The following EPRS1 variants were observed in gnomAD, a reference collection of about 807,000 sequenced individuals.
The protein encoded by EPRS1 is glutamyl-prolyl-tRNA synthetase 1.
EPRS1 carries 107 observed loss-of-function variants against 188.3 expected under a neutral mutation model. The ratio of observed to expected loss-of-function variants is 0.57; its 90% confidence interval spans 0.49 to 0.67. The LOEUF (loss-of-function observed/expected upper bound fraction) is 0.67, where lower values mean the gene tolerates loss of function less well. Ranked by LOEUF, EPRS1 falls within the 30% of genes least tolerant of loss-of-function variation. The pLI, the probability that EPRS1 is intolerant of heterozygous loss-of-function variation, is 0.00. For missense variants in EPRS1, 1,577 were observed against 1,802.2 expected, an observed-to-expected ratio of 0.88 and a Z score of 2.26; for synonymous variants, 596 against 593.1, an observed-to-expected ratio of 1.00 and a Z score of -0.07.
At chr1:220,021,036 C>T (rs1387011466) in intron 9 of EPRS1, among the ~76,000 whole-genome samples, 1 of 151,532 alleles carries the variant, frequency 6.6e-6, no homozygotes, top group African/African-American at 2.4e-5. Context: ...CGCCACCATG[C>T]CCCGCTAATT....
chr1:220,041,152 G>A (rs1255567581), intron 1 of EPRS1, among the ~76,000 whole-genome samples: 1 of 151,506 alleles, frequency 6.6e-6, no homozygotes, highest in Non-Finnish European at 1.5e-5. Context: ...GCAACATAGT[G>A]AGACCCCGTC....
intron 2 of EPRS1, among the ~76,000 whole-genome samples, chr1:220,035,378 C>T (rs1308067413): frequency 6.6e-6 from 1 of 152,132 alleles, no homozygotes; most frequent in Non-Finnish European, 1.5e-5. Flanking sequence ...TCTCGAGTTC[C>T]TGACCTCAGG....
At chr1:219,973,433 G>C in intron 28 of EPRS1, 35 bp from the exon 29 acceptor site, 1 of 1,486,676 alleles carries the variant, frequency 6.7e-7, no homozygotes, top group Non-Finnish European at 9.2e-7. Flanking sequence ...AATGATATAT[G>C]AATGTCTCCA....
intron 30 of EPRS1, 97 bp downstream of exon 30, chr1:219,971,972 C>T (rs1660676898): frequency 6.9e-6 from 4 of 575,674 alleles, no homozygotes; most frequent in Non-Finnish European, 1.2e-5. Flanking sequence ...ATGTGATTGG[C>T]TTAAAAAGGT....
chr1:219,984,083 G>A, intron 21 of EPRS1, 123 bp downstream of exon 21: 2 of 696,292 alleles, frequency 2.9e-6, no homozygotes, highest in Non-Finnish European at 2.6e-6. Flanking sequence ...ACTACACTGT[G>A]TATTATTAAA....
At chr1:220,041,918 G>A (rs1662302077) in intron 1 of EPRS1, among the ~76,000 whole-genome samples, 1 of 152,188 alleles carries the variant, frequency 6.6e-6, no homozygotes, top group Admixed American at 6.5e-5. Context: ...CTGTGGCAAG[G>A]AAGGTGCAAA....
At chr1:220,041,540 A>C (rs1036928343) in intron 1 of EPRS1, among the ~76,000 whole-genome samples, 1 of 151,820 alleles carries the variant, frequency 6.6e-6, no homozygotes, top group Non-Finnish European at 1.5e-5. Context: ...TCTGTCCCTT[A>C]ATTTGATTAA....
At chr1:219,986,048 A>G (rs1661000251) in intron 20 of EPRS1, among the ~76,000 whole-genome samples, 1 of 152,228 alleles carries the variant, frequency 6.6e-6, no homozygotes, top group South Asian at 2.1e-4. Context: ...TTAATAGTCA[A>G]AAGGAAAAAT....
rs538037438 is a variant in EPRS1, at chr1:219,970,051, G to A, written c.4324-929C>T. Among the ~76,000 whole-genome samples the A allele has an allele frequency of 2.0e-5, 3 of 152,178 alleles. No homozygotes were observed. In the South Asian group the frequency reaches 6.2e-4, roughly 32 times the overall value. ...TGGCCAGGCTGGTCTCAAACTCCTG[G>A]CCTCAAGCAGTCCACCCACCTCGGC... On this transcript the variant is annotated intron_variant, in intron 30 of 31. Transcript: ENST00000366923.
intron 29 of EPRS1, 30 bp downstream of exon 29, chr1:219,973,204 GGAGA>G: frequency 1.3e-6 from 2 of 1,588,434 alleles, no homozygotes; most frequent in Non-Finnish European, 1.7e-6. Context: ...TGGAAGATCT[GGAGA>G]GAGAGACATA....
At chr1:219,999,309 T>C (rs1282270924) in intron 17 of EPRS1, among the ~76,000 whole-genome samples, 1 of 152,132 alleles carries the variant, frequency 6.6e-6, no homozygotes, top group Non-Finnish European at 1.5e-5. Flanking sequence ...TACCTGAATA[T>C]TGAATTTCTA....
chr1:219,989,463 T>A (rs1448260665), intron 18 of EPRS1, among the ~76,000 whole-genome samples: 1 of 151,438 alleles, frequency 6.6e-6, no homozygotes, highest in Admixed American at 6.6e-5. Flanking sequence ...CTGGACACCT[T>A]ACCTGAAATG....
At chr1:220,031,941 C>A (rs2102595983) in intron 5 of EPRS1, among the ~76,000 whole-genome samples, 1 of 152,202 alleles carries the variant, frequency 6.6e-6, no homozygotes, top group South Asian at 2.1e-4. Flanking sequence ...TATAGATGAA[C>A]AATTAAATGT....
Position 219,988,838 on chromosome 1 carries a change from A to C in EPRS1, c.2542-15T>G, listed in dbSNP as rs763343192. 6.6e-7 allele frequency: 1 copy of C among 1,506,292 alleles called. No homozygotes were observed. Among genetic ancestry groups the C allele is most frequent in the Non-Finnish European group, 9.0e-7 (1 of 1,107,714 alleles). The allele number at this position is 1,506,292 out of a possible 1,614,324, so 93.3% of individuals were successfully genotyped here. A position where few individuals can be genotyped will look rare whatever the true frequency, so the allele number is the denominator to read the frequency against. ...TTTATTTTAGCCTAAAATAAAAGAG[A>C]GAAAGAGATATTTATAAAACTTTGG... On this transcript the variant is annotated splice_polypyrimidine_tract_variant and intron_variant, in intron 18 of 31. Transcript: ENST00000366923.
chr1:220,034,761 C>T (rs1662146013), intron 3 of EPRS1, among the ~76,000 whole-genome samples, 153 bp downstream of exon 3: 1 of 152,070 alleles, frequency 6.6e-6, no homozygotes, highest in Admixed American at 6.6e-5. Context: ...GACAAAAAAA[C>T]AAGATGAGCA....
intron 3 of EPRS1, 27 bp downstream of exon 3, chr1:220,034,887 A>C: frequency 7.9e-7 from 1 of 1,265,812 alleles, no homozygotes; most frequent in Non-Finnish European, 1.2e-6. Context: ...AAGACAAAAC[A>C]CACACAACAA....
At chr1:220,010,237 C>A (rs561542263) in intron 13 of EPRS1, among the ~76,000 whole-genome samples, 1 of 151,968 alleles carries the variant, frequency 6.6e-6, no homozygotes, top group Admixed American at 6.6e-5. Context: ...GGCTTAAAGA[C>A]AAAGGTGACA....
chr1:220,018,283 C>T lies in EPRS1; in HGVS notation c.1494+166G>A, dbSNP rs1037699015. 7 of 874,428 alleles carry T rather than the reference C, an allele frequency of 8.0e-6. No individual in the cohort carries two copies. The African/African-American group carries it at 8.5e-5, about 11-fold the overall frequency. 54.2% of individuals were successfully genotyped at this position (874,428 alleles called of 1,614,324 possible). A position where few individuals can be genotyped will look rare whatever the true frequency, so the allele number is the denominator to read the frequency against. On this transcript the variant is annotated intron_variant, in intron 12 of 31. Coordinates refer to ENST00000366923, the MANE Select transcript of EPRS1 (RefSeq NM_004446.3). Reference sequence around the variant, plus strand: ...GAATAGTTAATAGGCTTAATTAATGCTCTTCGTGTATTTAAAAAAGGAAAA... The same window carrying T: ...GAATAGTTAATAGGCTTAATTAATGTTCTTCGTGTATTTAAAAAAGGAAAA...
intron 12 of EPRS1, chr1:220,018,216 A>C: frequency 8.0e-7 from 1 of 1,254,058 alleles, no homozygotes; most frequent in Non-Finnish European, 1.1e-6. Context: ...ACTGTTCCCC[A>C]TAATTCCAAG....
Sources: gnomAD v4.1 joint callset for allele counts (sites outside exome capture counted in the v4.1 genomes callset) on GRCh38, gnomAD v4.1.1 for gene constraint, MANE v1.5 for transcripts, NCBI Gene and HGNC (gene_info 2026-07-23, HGNC 2026-07-21) for gene names.